Variants in PIGK observed in about 807,000 individuals in gnomAD.
The protein encoded by PIGK is phosphatidylinositol glycan anchor biosynthesis class K, also known as GPI-anchor transamidase.
In PIGK, 42 loss-of-function variants were observed where a neutral mutation model predicts 50.6. The observed-to-expected ratio is 0.83, with a 90% CI of 0.65 to 1.07. PIGK has a LOEUF of 1.07. Ranked by LOEUF, PIGK falls within the 50% of genes least tolerant of loss-of-function variation. The pLI is 0.00. For missense variants in PIGK, 448 were observed against 488.7 expected (o/e 0.92, Z 0.78); for synonymous variants, 151 against 156.0 (o/e 0.97, Z 0.24).
intron 3 of PIGK, among the ~76,000 whole-genome samples, chr1:77,191,367 T>A (rs1655899616): frequency 6.6e-6 from 1 of 152,224 alleles, no homozygotes; most frequent in Non-Finnish European, 1.5e-5. Flanking sequence ...CTTTTGTTAT[T>A]TTTCCAATAA....
chr1:77,134,289 C>T (rs1318917521), intron 9 of PIGK, among the ~76,000 whole-genome samples: 1 of 152,200 alleles, frequency 6.6e-6, no homozygotes, highest in Non-Finnish European at 1.5e-5. Context: ...AAGGGGCTCT[C>T]ATCCTGAAGA....
At chr1:77,118,260 C>T (rs1227793936) in intron 10 of PIGK, among the ~76,000 whole-genome samples, 2 of 152,082 alleles carry the variant, frequency 1.3e-5, no homozygotes, top group African/African-American at 4.8e-5. Flanking sequence ...CTTTTTGAGA[C>T]AGGATCTCAC....
intron 9 of PIGK, among the ~76,000 whole-genome samples, chr1:77,125,968 C>A (rs1654221515): frequency 6.6e-6 from 1 of 151,900 alleles, no homozygotes; most frequent in African/African-American, 2.4e-5. Flanking sequence ...CCTTGTCTAC[C>A]TTGTGATTTA....
intron 9 of PIGK, among the ~76,000 whole-genome samples, chr1:77,124,141 G>A (rs1378086523): frequency 1.3e-5 from 2 of 152,032 alleles, no homozygotes; most frequent in East Asian, 1.9e-4. Flanking sequence ...AAGCCATCCA[G>A]TCTCTGGTAT....
In PIGK at chr1:77,113,186, A is replaced by T. The variant is rs1043737849; in HGVS notation, c.1071+9089T>A. On this transcript the variant is annotated intron_variant, in intron 10 of 10. Coordinates refer to ENST00000370812, the MANE Select transcript of PIGK (RefSeq NM_005482.3). ...AAAAATTTTTAAAAGAAAAAGAAAAATTTATTACATATTATTTGTGAAGAA... is the reference window on the plus strand; with the variant it reads ...AAAAATTTTTAAAAGAAAAAGAAAATTTTATTACATATTATTTGTGAAGAA... Among the ~76,000 whole-genome samples, 18 of 151,982 alleles carry T rather than the reference A, an allele frequency of 1.2e-4. 1 individual carries two copies. Among genetic ancestry groups the T allele is most frequent in the Admixed American group, 8.5e-4 (13 of 15,260 alleles).
chr1:77,172,758 C>T (rs1265933302), intron 3 of PIGK, among the ~76,000 whole-genome samples: 1 of 151,768 alleles, frequency 6.6e-6, no homozygotes, highest in Non-Finnish European at 1.5e-5. Context: ...CCCGTCTCTA[C>T]AAAAAATACA....
intron 10 of PIGK, among the ~76,000 whole-genome samples, chr1:77,107,845 G>A (rs1052605617): frequency 6.6e-6 from 1 of 152,102 alleles, no homozygotes; most frequent in African/African-American, 2.4e-5. Flanking sequence ...ATTATGTCAT[G>A]GCCTTCTTTG....
intron 6 of PIGK, among the ~76,000 whole-genome samples, chr1:77,163,348 AGTCATATG>A (rs1479400634): frequency 6.6e-6 from 1 of 152,176 alleles, no homozygotes; most frequent in Non-Finnish European, 1.5e-5. Context: ...TTTCACTTAC[AGTCATATG>A]CATGACAGCT....
intron 3 of PIGK, among the ~76,000 whole-genome samples, chr1:77,170,488 A>G (rs1655334885): frequency 6.6e-6 from 1 of 152,146 alleles, no homozygotes; most frequent in Admixed American, 6.5e-5. Context: ...CAGGACATCT[A>G]TGAATCTGAA....
intron 10 of PIGK, among the ~76,000 whole-genome samples, chr1:77,099,685 C>T (rs1344300201): frequency 6.6e-6 from 1 of 152,130 alleles, no homozygotes. Flanking sequence ...ATTTTACTTA[C>T]AATCAAGTGA....
intron 10 of PIGK, among the ~76,000 whole-genome samples, chr1:77,096,554 G>A (rs534185705): frequency 1.3e-5 from 2 of 152,194 alleles, no homozygotes; most frequent in South Asian, 2.1e-4. Context: ...CAGAAGAGCC[G>A]AGCTTCCCTC....
At chr1:77,152,236 G>A (rs1054767083) in intron 9 of PIGK, among the ~76,000 whole-genome samples, 1 of 151,984 alleles carries the variant, frequency 6.6e-6, no homozygotes, top group African/African-American at 2.4e-5. Context: ...AAGGTGCCAA[G>A]AATATACATT....
intron 3 of PIGK, among the ~76,000 whole-genome samples, chr1:77,179,460 T>G (rs1006659845): frequency 6.6e-6 from 1 of 152,106 alleles, no homozygotes; most frequent in Admixed American, 6.5e-5. Context: ...AATAGCTGAG[T>G]CTTGACCAAT....
chr1:77,211,805 CT>C (rs35286994), intron 1 of PIGK, among the ~76,000 whole-genome samples: 25,253 of 137,246 alleles, frequency 0.18, 3,524 homozygotes, highest in African/African-American at 0.4. Flanking sequence ...TTCTTTCTTT[CT>C]TTTTTTTTTT....
intron 10 of PIGK, among the ~76,000 whole-genome samples, chr1:77,100,685 A>C (rs1478339047): frequency 1.3e-5 from 2 of 152,046 alleles, no homozygotes; most frequent in African/African-American, 4.8e-5. Context: ...CACTGATCTA[A>C]TCAGATGGGC....
chr1:77,108,736 T>C (rs185223135), intron 10 of PIGK, among the ~76,000 whole-genome samples: 157 of 152,252 alleles, frequency 1.0e-3, no homozygotes, highest in African/African-American at 3.6e-3. Context: ...ACCAATCAAA[T>C]GTAGGTTTGG....
At chr1:77,144,209 G>T (rs1466303112) in intron 9 of PIGK, among the ~76,000 whole-genome samples, 2 of 151,880 alleles carry the variant, frequency 1.3e-5, no homozygotes, top group South Asian at 2.1e-4. Flanking sequence ...ATTTAGAATG[G>T]TAAGATTTAA....
intron 10 of PIGK, among the ~76,000 whole-genome samples, chr1:77,116,489 T>G (rs1317395442): frequency 6.6e-6 from 1 of 151,742 alleles, no homozygotes; most frequent in Non-Finnish European, 1.5e-5. Flanking sequence ...CTGGCCGAAT[T>G]TCTCACACAT....
At chr1:77,194,913 G>A in intron 3 of PIGK, 1 of 509,832 alleles carries the variant, frequency 2.0e-6, no homozygotes, top group African/African-American at 1.9e-5. Flanking sequence ...TGGTCAAATG[G>A]ATGGACAGAA....
Sources: allele counts gnomAD v4.1 joint callset (sites outside exome capture counted in the v4.1 genomes callset), GRCh38; gene constraint gnomAD v4.1.1; transcripts MANE v1.5; gene names NCBI Gene and HGNC (gene_info 2026-07-23, HGNC 2026-07-21).